UBAP2: variants seen among roughly 807,000 people sequenced by gnomAD.
UBAP2 encodes ubiquitin-associated protein 2.
In UBAP2, 75 loss-of-function variants were observed where a neutral mutation model predicts 139.6. That is an observed-to-expected ratio of 0.54 (90% CI 0.45 to 0.65). The LOEUF (loss-of-function observed/expected upper bound fraction) is 0.65, where lower values mean the gene tolerates loss of function less well. Among genes scored for constraint, UBAP2 ranks in the 30% least tolerant of loss-of-function variants. The pLI is 0.00. For missense variants in UBAP2, 1,368 were observed against 1,369.6 expected (o/e 1.00, Z 0.02); for synonymous variants, 526 against 526.2 (o/e 1.00, Z 0.01).
intron 2 of UBAP2, among the ~76,000 whole-genome samples, chr9:34,008,440 A>G (rs1358101058): frequency 6.6e-6 from 1 of 152,148 alleles, no homozygotes; most frequent in African/African-American, 2.4e-5. Context: ...ATAACACAAA[A>G]GAAGTCAAAA....
At chr9:34,047,415 T>C (rs934861829) in intron 1 of UBAP2, among the ~76,000 whole-genome samples, 2 of 152,172 alleles carry the variant, frequency 1.3e-5, no homozygotes, top group African/African-American at 2.4e-5. Flanking sequence ...GTGGAATACA[T>C]TCCCTTTCCT....
At chr9:33,986,732 C>T in intron 6 of UBAP2, 28 bp downstream of exon 6, 2 of 1,578,040 alleles carry the variant, frequency 1.3e-6, no homozygotes, top group Non-Finnish European at 1.7e-6. Flanking sequence ...TAATTGAAAG[C>T]ATTTTCTTCC....
chr9:34,022,406 T>C (rs950482593), intron 1 of UBAP2, among the ~76,000 whole-genome samples: 1 of 145,816 alleles, frequency 6.9e-6, no homozygotes, highest in African/African-American at 2.5e-5. Flanking sequence ...ACAGTTCAAA[T>C]CCAGGCTAGG....
At chr9:34,004,905 AC>A (rs1823053794) in intron 2 of UBAP2, among the ~76,000 whole-genome samples, 1 of 151,898 alleles carries the variant, frequency 6.6e-6, no homozygotes, top group South Asian at 2.1e-4. Context: ...ACATAGTGAG[AC>A]CCCCATCTCT....
intron 11 of UBAP2, among the ~76,000 whole-genome samples, chr9:33,953,909 CT>C (rs879881127): frequency 9.0e-4 from 132 of 146,254 alleles, no homozygotes; most frequent in African/African-American, 1.8e-3. Flanking sequence ...ATAAGTTTCA[CT>C]TTTTTTTTTT....
chr9:34,043,779 C>A, intron 1 of UBAP2, among the ~76,000 whole-genome samples: 1 of 151,848 alleles, frequency 6.6e-6, no homozygotes, highest in East Asian at 1.9e-4. Flanking sequence ...CACGCAGGAG[C>A]CATGGAGCCA....
At chr9:33,997,698 TTGACA>T (rs1394383714) in intron 3 of UBAP2, 3 of 152,234 alleles carry the variant, frequency 2.0e-5, no homozygotes, top group Non-Finnish European at 2.9e-5. Flanking sequence ...GATCAGATTA[TTGACA>T]GACAGAACTA....
chr9:33,968,444 T>G (rs1163735760), intron 8 of UBAP2: 1 of 559,100 alleles, frequency 1.8e-6, no homozygotes, highest in Non-Finnish European at 3.6e-6. Flanking sequence ...CGAGGGCATG[T>G]GCAGCCTGGT....
chr9:33,948,577 A>G lies in UBAP2; in HGVS notation c.1067T>C (p.Leu356Pro). 1 of 1,614,166 alleles carries G rather than the reference A, an allele frequency of 6.2e-7. No individual in the cohort carries two copies. The highest frequency in any genetic ancestry group is 2.2e-5 in the East Asian group (1 of 44,894). The change falls in exon 13 of 29, where the codon CTT (leucine) becomes CCT (proline). Residue 356 changes from leucine (L) to proline (P), a missense_variant. Physicochemically the swap from Leu to Pro is moderately conservative, Grantham distance 98 (BLOSUM62 -3). Coordinates refer to ENST00000379238, the MANE Select transcript of UBAP2 (RefSeq NM_001370062.2). ...TGCAAGCTCTCCAAATCCTGAGCCA[A>G]GGACGGATGACTTTAAAAGGGGGAT... ...SCSPQSLSSV[L>P]GSGFGELAPP...
chr9:34,038,754 A>T (rs1826712778), intron 1 of UBAP2, among the ~76,000 whole-genome samples: 1 of 143,192 alleles, frequency 7.0e-6, no homozygotes, highest in Non-Finnish European at 1.5e-5. Context: ...ATCGTCTGGG[A>T]TGTGAGGAGC....
chr9:33,965,628 T>C (rs1457766489), intron 8 of UBAP2, among the ~76,000 whole-genome samples: 1 of 152,218 alleles, frequency 6.6e-6, no homozygotes, highest in African/African-American at 2.4e-5. Flanking sequence ...GTATAATGTA[T>C]GGCATTGAAT....
intron 1 of UBAP2, among the ~76,000 whole-genome samples, chr9:34,046,812 A>G (rs1349909031): frequency 6.6e-6 from 1 of 152,152 alleles, no homozygotes; most frequent in African/African-American, 2.4e-5. Flanking sequence ...ATTAGTCTAC[A>G]TGTTCTCACA....
At chr9:33,994,015 C>T (rs899708053) in intron 4 of UBAP2, among the ~76,000 whole-genome samples, 4 of 151,874 alleles carry the variant, frequency 2.6e-5, no homozygotes, top group Admixed American at 6.6e-5. Context: ...CTGCCTCAGC[C>T]GCCTGAGTAG....
At chr9:33,947,566 G>A (rs1825741504) in intron 13 of UBAP2, among the ~76,000 whole-genome samples, 1 of 152,080 alleles carries the variant, frequency 6.6e-6, no homozygotes, top group African/African-American at 2.4e-5. Context: ...TCACACCTGT[G>A]ATCTCAGCAC....
chr9:33,925,702 C>A (rs1325558626), intron 22 of UBAP2, among the ~76,000 whole-genome samples: 1 of 152,204 alleles, frequency 6.6e-6, no homozygotes, highest in Non-Finnish European at 1.5e-5. Flanking sequence ...AAGGGCTACT[C>A]TTCTGAAACA....
chr9:34,018,020 T>C (rs1261896776), intron 1 of UBAP2, among the ~76,000 whole-genome samples: 1 of 152,120 alleles, frequency 6.6e-6, no homozygotes, highest in Admixed American at 6.6e-5. Context: ...TAATTAAGTA[T>C]GTCATCAAAA....
rs374340861 is a variant in UBAP2, at chr9:33,928,232, T to G, written c.2176-240A>C. ...AACTGAACATCAAAACTATTAACAT[T>G]AAGCTTTAATGACCACAACTCTCTG... On this transcript the variant is annotated intron_variant, in intron 19 of 28. Coordinates refer to ENST00000379238, the MANE Select transcript of UBAP2 (RefSeq NM_001370062.2). The G allele has an allele frequency of 1.2e-4, 52 of 449,446 alleles. 4 individuals are homozygous for G. The highest frequency in any genetic ancestry group is 7.3e-4 in the African/African-American group (37 of 50,876). The allele number at this position is 449,446 out of a possible 1,614,324, so 27.8% of individuals were successfully genotyped here.
At chr9:33,957,230 A>G (rs530175070) in intron 10 of UBAP2, among the ~76,000 whole-genome samples, 46 of 152,314 alleles carry the variant, frequency 3.0e-4, no homozygotes, top group African/African-American at 1.0e-3. Context: ...AGTTTCTATT[A>G]TTTTTAAAAA....
At chr9:34,032,288 AATT>A (rs2131334714) in intron 1 of UBAP2, among the ~76,000 whole-genome samples, 1 of 152,306 alleles carries the variant, frequency 6.6e-6, no homozygotes, top group East Asian at 1.9e-4. Context: ...AGTAAGAACA[AATT>A]AACTCATAGA....
Sources: gnomAD v4.1 joint callset for allele counts (sites outside exome capture counted in the v4.1 genomes callset) on GRCh38, gnomAD v4.1.1 for gene constraint, MANE v1.5 for transcripts, NCBI Gene and HGNC (gene_info 2026-07-23, HGNC 2026-07-21) for gene names.